CCDC148: variants seen among roughly 807,000 people sequenced by gnomAD.
CCDC148 encodes coiled-coil domain-containing protein 148.
A neutral mutation model predicts 85.7 loss-of-function variants in CCDC148; 89 were observed. That is an observed-to-expected ratio of 1.04 (90% CI 0.87 to 1.24). The LOEUF (loss-of-function observed/expected upper bound fraction) is 1.24, where lower values mean the gene tolerates loss of function less well. Among genes scored for constraint, CCDC148 ranks in the 50% most tolerant of loss-of-function variants. CCDC148 has a pLI of 0.00. For synonymous variants in CCDC148, 230 were observed against 213.9 expected (o/e 1.08, Z -0.66); for missense variants, 692 against 671.7 (o/e 1.03, Z -0.33).
intron 11 of CCDC148, among the ~76,000 whole-genome samples, chr2:158,185,564 G>T (rs1685115040): frequency 6.6e-6 from 1 of 152,046 alleles, no homozygotes; most frequent in Non-Finnish European, 1.5e-5. Context: ...TTTGAGTTCA[G>T]GTGAGCTGGA....
At chr2:158,213,892 A>G (rs6723111) in intron 11 of CCDC148, among the ~76,000 whole-genome samples, 53,142 of 151,876 alleles carry the variant, frequency 0.35, 11,136 homozygotes, top group South Asian at 0.59. Flanking sequence ...ATTGGTCCCA[A>G]CAAGGTTAGT....
chr2:158,276,950 C>A (rs1442720552), intron 9 of CCDC148, among the ~76,000 whole-genome samples: 1 of 152,176 alleles, frequency 6.6e-6, no homozygotes, highest in Non-Finnish European at 1.5e-5. Context: ...CCAGCTAATA[C>A]TAGAAATTTA....
intron 10 of CCDC148, among the ~76,000 whole-genome samples, chr2:158,247,551 C>T (rs79534381): frequency 0.033 from 4,952 of 152,150 alleles, 157 homozygotes; most frequent in East Asian, 0.1. Context: ...ACTTCTACTA[C>T]GGAACACTAT....
chr2:158,328,723 G>C (rs1481841912), intron 7 of CCDC148, among the ~76,000 whole-genome samples: 1 of 152,176 alleles, frequency 6.6e-6, no homozygotes, highest in Non-Finnish European at 1.5e-5. Flanking sequence ...GTGTGAGATG[G>C]TATCTCATTG....
chr2:158,171,454 T>C lies in CCDC148; in HGVS notation c.*659A>G, dbSNP rs1196032726. 1 of 152,032 alleles carries C rather than the reference T, an allele frequency of 6.6e-6. No individual in the cohort carries two copies. The highest frequency in any genetic ancestry group is 2.4e-5 in the African/African-American group (1 of 41,438). The allele number at this position is 152,032 out of a possible 1,614,324, so 9.4% of individuals were successfully genotyped here. On this transcript the variant is annotated 3_prime_UTR_variant, in exon 14 of 14. Transcript: ENST00000283233. Reference sequence around the variant, plus strand: ...TTGGAATTTTTGACAGCATTCCAAATATTATGAAATTTTAAATATTTCTTC... The same window carrying C: ...TTGGAATTTTTGACAGCATTCCAAACATTATGAAATTTTAAATATTTCTTC...
intron 1 of CCDC148, among the ~76,000 whole-genome samples, chr2:158,425,814 T>C (rs892153022): frequency 2.0e-5 from 3 of 152,190 alleles, no homozygotes; most frequent in African/African-American, 7.2e-5. Flanking sequence ...CTTTGGATGA[T>C]GTTTTTCCCC....
chr2:158,273,119 C>T (rs1203199340), intron 9 of CCDC148, among the ~76,000 whole-genome samples: 2 of 152,120 alleles, frequency 1.3e-5, no homozygotes, highest in East Asian at 3.9e-4. Flanking sequence ...GATTTTCTTT[C>T]TGTGCTACAA....
chr2:158,413,641 G>C (rs1240931566), intron 1 of CCDC148, among the ~76,000 whole-genome samples: 1 of 150,080 alleles, frequency 6.7e-6, no homozygotes, highest in Non-Finnish European at 1.5e-5. Flanking sequence ...TCAGGGGTTT[G>C]CAAACTTTTT....
At chr2:158,391,858 G>C (rs1685322809) in intron 1 of CCDC148, among the ~76,000 whole-genome samples, 3 of 152,088 alleles carry the variant, frequency 2.0e-5, no homozygotes, top group Non-Finnish European at 4.4e-5. Context: ...AGGCAATAAA[G>C]GTTCCTTGGT....
Position 158,176,593 on chromosome 2 carries a change from C to T in CCDC148, c.1557G>A (p.Met519Ile). 1 of 1,612,132 alleles carries T rather than the reference C, an allele frequency of 6.2e-7. No homozygotes were observed. The highest frequency in any genetic ancestry group is 8.5e-7 in the Non-Finnish European group (1 of 1,178,928). Residue 519 changes from methionine to isoleucine, a missense_variant, in exon 13 of 14, where the codon ATG becomes ATA. Met to Ile is a conservative substitution (Grantham distance 10). Coordinates refer to ENST00000283233, the MANE Select transcript of CCDC148 (RefSeq NM_138803.4). ...MSDTMASKAR[M>I]GIEIEEEFIL... ...TAAATTCTTCTTCAATTTCAATGCC[C>T]ATTCTAGCTTTTGATGCCATTGTAT...
intron 11 of CCDC148, among the ~76,000 whole-genome samples, chr2:158,220,383 T>G (rs913363388): frequency 5.3e-5 from 8 of 152,198 alleles, no homozygotes; most frequent in African/African-American, 1.9e-4. Flanking sequence ...TAGGAAGCTA[T>G]CTAAGGAACA....
In CCDC148 at chr2:158,250,883, C is replaced by A; in HGVS notation, c.1140G>T (p.Glu380Asp). The change falls in exon 10 of 14, where the codon GAG becomes GAT. Residue 380 changes from glutamate to aspartate, a missense_variant. Coordinates refer to ENST00000283233, the MANE Select transcript of CCDC148 (RefSeq NM_138803.4). ...KVRQWRAHQE[E>D]VARLEMEISA... ...AAATTTCCATTTCCAGTCTTGCTAC[C>A]TCTTCTTGGTGGGCTCGCCATTGAC... is the stretch of plus-strand genomic sequence containing the variant. The A allele has an allele frequency of 6.2e-7, 1 of 1,605,656 alleles. No homozygotes were observed. Among genetic ancestry groups the A allele is most frequent in the East Asian group, 2.2e-5 (1 of 44,636 alleles).
At chr2:158,220,508 G>T in intron 11 of CCDC148, 87 bp downstream of exon 11, 2 of 854,674 alleles carry the variant, frequency 2.3e-6, no homozygotes, top group Non-Finnish European at 3.7e-6. Context: ...ATAGAAAAAA[G>T]TTCCCTCTGA....
intron 1 of CCDC148, chr2:158,425,362 G>T: frequency 2.1e-6 from 1 of 468,612 alleles, no homozygotes; most frequent in South Asian, 1.7e-5. Context: ...CTTGCAGGAT[G>T]ACATTGAAGA....
chr2:158,373,515 A>G (rs938142325), intron 1 of CCDC148, among the ~76,000 whole-genome samples: 1 of 151,874 alleles, frequency 6.6e-6, no homozygotes, highest in African/African-American at 2.4e-5. Flanking sequence ...ATACCTACTT[A>G]TTTTTCAGTC....
chr2:158,174,560 A>G (rs1161647325), intron 13 of CCDC148, among the ~76,000 whole-genome samples: 1 of 151,868 alleles, frequency 6.6e-6, no homozygotes, highest in Admixed American at 6.6e-5. Flanking sequence ...ACGTGTCCTT[A>G]GGCAATTTTG....
At chr2:158,320,816 G>T (rs1379559746) in intron 7 of CCDC148, among the ~76,000 whole-genome samples, 2 of 152,032 alleles carry the variant, frequency 1.3e-5, no homozygotes, top group African/African-American at 2.4e-5. Flanking sequence ...TCAGTTTCCT[G>T]AAGTATTGAA....
intron 9 of CCDC148, among the ~76,000 whole-genome samples, chr2:158,276,715 T>C (rs1689964075): frequency 6.6e-6 from 1 of 152,228 alleles, no homozygotes; most frequent in South Asian, 2.1e-4. Flanking sequence ...GATGAGGACT[T>C]TTCTTTCAGC....
intron 1 of CCDC148, among the ~76,000 whole-genome samples, chr2:158,383,739 T>C (rs1198960672): frequency 2.0e-5 from 3 of 152,128 alleles, no homozygotes; most frequent in African/African-American, 7.2e-5. Flanking sequence ...AGGGTGTCTT[T>C]CCTACAAACA....
Sources: allele counts gnomAD v4.1 joint callset (sites outside exome capture counted in the v4.1 genomes callset), GRCh38; gene constraint gnomAD v4.1.1; transcripts MANE v1.5; gene names NCBI Gene and HGNC (gene_info 2026-07-23, HGNC 2026-07-21).